CHTOP: variants seen among roughly 807,000 people sequenced by gnomAD.
The protein encoded by CHTOP is chromatin target of PRMT1.
Under a neutral mutation model 33.6 loss-of-function variants are expected in CHTOP, and 18 were observed. That is an observed-to-expected ratio of 0.54 (90% CI 0.37 to 0.80). The LOEUF is 0.80. Among genes scored for constraint, CHTOP ranks in the 30% least tolerant of loss-of-function variants. CHTOP has a pLI of 0.00. For missense variants in CHTOP, 263 were observed against 336.8 expected (o/e 0.78, Z 1.71); for synonymous variants, 117 against 127.7 (o/e 0.92, Z 0.56).
intron 3 of CHTOP, among the ~76,000 whole-genome samples, chr1:153,641,800 A>G (rs887974883): frequency 2.6e-5 from 4 of 152,316 alleles, no homozygotes; most frequent in African/African-American, 9.6e-5. Flanking sequence ...AGTGTGATGA[A>G]CTTCCTATGG....
intron 3 of CHTOP, among the ~76,000 whole-genome samples, chr1:153,638,831 A>G (rs74404744): frequency 0.018 from 2,680 of 150,292 alleles, 90 homozygotes; most frequent in African/African-American, 0.061. Flanking sequence ...AAATAATTTT[A>G]TTCTTTTTCC....
At chr1:153,634,574 C>T (rs1668246155) in intron 1 of CHTOP, among the ~76,000 whole-genome samples, 2 of 40,870 alleles carry the variant, frequency 4.9e-5, no homozygotes, top group Non-Finnish European at 1.0e-4. Context: ...GGAAACTTGG[C>T]GGGTAGAGCA....
intron 3 of CHTOP, among the ~76,000 whole-genome samples, chr1:153,640,410 GGT>G (rs1557939933): frequency 1.3e-5 from 2 of 152,114 alleles, no homozygotes; most frequent in East Asian, 3.9e-4. Flanking sequence ...TGGAGGTTGC[GGT>G]GAGTGGAGTT....
At chr1:153,642,455 G>A in intron 4 of CHTOP, 26 bp downstream of exon 4, 1 of 1,564,600 alleles carries the variant, frequency 6.4e-7, no homozygotes, top group South Asian at 1.2e-5. Flanking sequence ...CCTGATAATT[G>A]TCGGGCCCTA....
rs1272926186 is a variant in CHTOP, at chr1:153,634,206, C to T, written c.-155C>T. 1 of 152,784 alleles carries T rather than the reference C, an allele frequency of 6.5e-6. No homozygotes were observed. The highest frequency in any genetic ancestry group is 1.5e-5 in the Non-Finnish European group (1 of 68,104). The allele number at this position is 152,784 out of a possible 1,614,324, so 9.5% of individuals were successfully genotyped here. On this transcript the variant is annotated 5_prime_UTR_variant, in exon 1 of 6. Coordinates refer to ENST00000368694, the MANE Select transcript of CHTOP (RefSeq NM_015607.4). ...AACAACGAACTGAGCTCGCATACTA[C>T]CGCTTACGCATCTAACCAACCGCCC...
rs1180241480 is a variant in CHTOP, at chr1:153,642,371, A to T, written c.345A>T (p.Gly115=). 1 of 1,614,100 alleles carries T rather than the reference A, an allele frequency of 6.2e-7. No individual in the cohort carries two copies. The highest frequency in any genetic ancestry group is 8.5e-7 in the Non-Finnish European group (1 of 1,179,988). The change falls in exon 4 of 6, where the codon GGA becomes GGT. Residue 115 remains glycine, a synonymous_variant. Transcript: ENST00000368694. The stretch of plus-strand genomic sequence containing the variant: ...TAATCCAGAGAGGCTTGCCCAGAGG[A>T]GGACTACGTGGGGGACGTGCCACCA... ...LPIIQRGLPR[G]GLRGGRATRT...
chr1:153,638,985 A>G (rs533033791), intron 3 of CHTOP, among the ~76,000 whole-genome samples: 4 of 150,566 alleles, frequency 2.7e-5, no homozygotes, highest in East Asian at 2.0e-4. Flanking sequence ...GGTCCATACC[A>G]TTCTCCTGCC....
At chr1:153,644,023 G>A (rs963468782) in intron 5 of CHTOP, 1 of 152,150 alleles carries the variant, frequency 6.6e-6, no homozygotes, top group Admixed American at 6.5e-5. Context: ...TGTTGCTGCT[G>A]TTAATACTAA....
chr1:153,645,521 C>T lies in CHTOP; in HGVS notation c.*252C>T. ...TAGGGGGGAGGGGGGGTTTCCCCTC[C>T]TTTGCCCAGACTTCTCTTTGAACAC... On this transcript the variant is annotated 3_prime_UTR_variant, in exon 6 of 6. Transcript: ENST00000368694. The T allele has an allele frequency of 2.1e-6, 1 of 480,884 alleles. No homozygotes were observed. The highest frequency in any genetic ancestry group is 3.7e-6 in the Non-Finnish European group (1 of 268,990). 29.8% of individuals were successfully genotyped at this position (480,884 alleles called of 1,614,324 possible). A position where few individuals can be genotyped will look rare whatever the true frequency, so the allele number is the denominator to read the frequency against.
chr1:153,637,962 C>G (rs1668469714), intron 2 of CHTOP: 1 of 270,788 alleles, frequency 3.7e-6, no homozygotes, highest in Non-Finnish European at 7.2e-6. Context: ...TTTAGGCTTT[C>G]TTCATTTGTC....
chr1:153,643,540 G>A (rs1668701061), intron 5 of CHTOP, 176 bp downstream of exon 5: 4 of 607,126 alleles, frequency 6.6e-6, no homozygotes, highest in South Asian at 7.3e-5. Flanking sequence ...AAAGTCTCAT[G>A]ATTTTTCCAA....
chr1:153,638,264 A>G, intron 2 of CHTOP, 31 bp from the exon 3 acceptor site: 1 of 1,607,324 alleles, frequency 6.2e-7, no homozygotes, highest in Non-Finnish European at 8.5e-7. Flanking sequence ...TAAAGCTTTT[A>G]TTTAAACATC....
chr1:153,640,462 G>A (rs1006665403), intron 3 of CHTOP, among the ~76,000 whole-genome samples: 1 of 151,948 alleles, frequency 6.6e-6, no homozygotes, highest in Non-Finnish European at 1.5e-5. Context: ...GTGAGACTCT[G>A]TCTCAAGAAA....
intron 1 of CHTOP, among the ~76,000 whole-genome samples, chr1:153,635,749 G>T (rs1431819598): frequency 6.6e-6 from 1 of 151,824 alleles, no homozygotes; most frequent in East Asian, 1.9e-4. Context: ...CTTGAACGGG[G>T]AGGCAGAGGT....
intron 3 of CHTOP, among the ~76,000 whole-genome samples, chr1:153,640,052 G>A (rs1012505465): frequency 1.3e-5 from 2 of 152,146 alleles, no homozygotes; most frequent in African/African-American, 4.8e-5. Context: ...CAGATTACAG[G>A]CATGAGCTAC....
chr1:153,636,956 A>G (rs1668429391), intron 2 of CHTOP: 6 of 277,818 alleles, frequency 2.2e-5, no homozygotes, highest in Non-Finnish European at 4.2e-5. Context: ...GCAGCACGGT[A>G]GCATGGTACC....
At position 153,642,386 on chromosome 1, in the gene CHTOP, A is replaced by C. The variant is rs1571320337; in HGVS notation, c.360A>C (p.Gly120=). ...TGCCCAGAGGAGGACTACGTGGGGG[A>C]CGTGCCACCAGAACCCTACTTAGGG... ...RGLPRGGLRG[G]RATRTLLRGG... Residue 120 remains glycine, a synonymous_variant, in exon 4 of 6, where the codon GGA becomes GGC. Coordinates refer to ENST00000368694, the MANE Select transcript of CHTOP (RefSeq NM_015607.4). The C allele has an allele frequency of 6.2e-7, 1 of 1,613,826 alleles. No individual in the cohort carries two copies.
chr1:153,634,869 G>A (rs1471205848), intron 1 of CHTOP, among the ~76,000 whole-genome samples: 2 of 149,232 alleles, frequency 1.3e-5, no homozygotes, highest in African/African-American at 4.9e-5. Context: ...TTTTTTTGGG[G>A]GGGGACGGAG....
rs746372648 is a variant in CHTOP, at chr1:153,638,348, C to T, written c.119C>T (p.Ser40Leu). ...CCGACGCCAGTGAATATTCGGGCTT[C>T]GATGCAGCAACAACAGCAGCTAGCC... is the stretch of plus-strand genomic sequence containing the variant. ...KQPTPVNIRASMQQQQQLASA... is the reference protein window; with the variant it reads ...KQPTPVNIRALMQQQQQLASA... The change falls in exon 3 of 6, where the codon TCG (serine) becomes TTG (leucine). Residue 40 changes from serine (S) to leucine (L), a missense_variant. Coordinates refer to ENST00000368694, the MANE Select transcript of CHTOP (RefSeq NM_015607.4). 3 of 1,614,192 alleles carry T rather than the reference C, an allele frequency of 1.9e-6. No homozygotes were observed. The highest frequency in any genetic ancestry group is 1.1e-5 in the South Asian group (1 of 91,080).
Sources: allele counts gnomAD v4.1 joint callset (sites outside exome capture counted in the v4.1 genomes callset), GRCh38; gene constraint gnomAD v4.1.1; transcripts MANE v1.5; gene names NCBI Gene and HGNC (gene_info 2026-07-23, HGNC 2026-07-21).